The following NPAS3 variants were observed in gnomAD, a reference collection of about 807,000 sequenced individuals.
NPAS3 encodes the protein neuronal PAS domain protein 3.
In NPAS3, 14 loss-of-function variants were observed where a neutral mutation model predicts 73.1. The observed-to-expected ratio is 0.19, with a 90% CI of 0.13 to 0.30. The LOEUF (loss-of-function observed/expected upper bound fraction) is 0.30. NPAS3 is among the 10% of genes least tolerant of loss of function. NPAS3 has a pLI of 1.00. For synonymous variants in NPAS3, 620 were observed against 541.5 expected, an observed-to-expected ratio of 1.14 and a Z score of -2.01; for missense variants, 1,096 against 1,250.0, an observed-to-expected ratio of 0.88 and a Z score of 1.86.
At chr14:33,202,980 T>G (rs144024673) in intron 2 of NPAS3, among the ~76,000 whole-genome samples, 125 of 152,348 alleles carry the variant, frequency 8.2e-4, no homozygotes, top group African/African-American at 3.0e-3. Flanking sequence ...CTTCCCCAAT[T>G]TTATGGTGTC....
rs926784897 is a variant in NPAS3, at chr14:32,968,332, C to T, written c.50+28966C>T. 3.3e-5 allele frequency among the ~76,000 whole-genome samples: 5 copies of T among 152,198 alleles called. No individual in the cohort carries two copies. The East Asian group carries it at 9.6e-4, about 29-fold the overall frequency. Reference sequence around the variant, plus strand: ...TAATGTGTGTATATATTGGAAATCACACTATACCTTATAAATATCTATTAT... The same window carrying T: ...TAATGTGTGTATATATTGGAAATCATACTATACCTTATAAATATCTATTAT... On this transcript the variant is annotated intron_variant, in intron 1 of 11. Transcript: ENST00000356141.
At chr14:33,059,297 T>C (rs1475957026) in intron 2 of NPAS3, among the ~76,000 whole-genome samples, 1 of 152,212 alleles carries the variant, frequency 6.6e-6, no homozygotes, top group East Asian at 1.9e-4. Context: ...GATTAGACAA[T>C]TGTTTCAATA....
At chr14:33,303,696 A>G (rs2042642591) in intron 3 of NPAS3, among the ~76,000 whole-genome samples, 1 of 152,260 alleles carries the variant, frequency 6.6e-6, no homozygotes, top group South Asian at 2.1e-4. Flanking sequence ...GTAGCTATTC[A>G]TAGCATTAAG....
intron 5 of NPAS3, among the ~76,000 whole-genome samples, chr14:33,563,650 T>TA (rs2055777612): frequency 6.6e-6 from 1 of 152,116 alleles, no homozygotes; most frequent in Non-Finnish European, 1.5e-5. Context: ...CTTTCCTGTG[T>TA]AAAAATGATG....
intron 4 of NPAS3, among the ~76,000 whole-genome samples, chr14:33,553,837 G>A (rs189317713): frequency 1.2e-4 from 19 of 152,172 alleles, no homozygotes; most frequent in Admixed American, 5.2e-4. Flanking sequence ...TTTCTTCCCC[G>A]TAAACAGACA....
At chr14:33,214,970 C>A (rs1327381790) in intron 2 of NPAS3, 4 of 565,514 alleles carry the variant, frequency 7.1e-6, no homozygotes, top group Non-Finnish European at 1.2e-5. Flanking sequence ...AATTTTTACT[C>A]ATTGGACTTG....
intron 5 of NPAS3, among the ~76,000 whole-genome samples, chr14:33,643,529 G>A (rs1014993320): frequency 6.6e-6 from 1 of 152,172 alleles, no homozygotes; most frequent in African/African-American, 2.4e-5. Flanking sequence ...AGCTCTCGGA[G>A]TTTGCCATTT....
intron 2 of NPAS3, among the ~76,000 whole-genome samples, chr14:33,068,300 T>C (rs966607343): frequency 6.6e-6 from 1 of 152,264 alleles, no homozygotes; most frequent in Non-Finnish European, 1.5e-5. Context: ...ACCAGACATT[T>C]CTTAGCGCGA....
chr14:33,216,120 TTATG>T (rs1192240756), intron 3 of NPAS3, among the ~76,000 whole-genome samples: 1 of 152,152 alleles, frequency 6.6e-6, no homozygotes, highest in African/African-American at 2.4e-5. Context: ...ATATATTTAT[TTATG>T]TATATGTGGT....
chr14:33,497,677 C>A (rs558069598), intron 4 of NPAS3, among the ~76,000 whole-genome samples: 1 of 152,124 alleles, frequency 6.6e-6, no homozygotes, highest in Non-Finnish European at 1.5e-5. Flanking sequence ...CCCTTCCTTA[C>A]ACTTTATACA....
At position 33,551,811 on chromosome 14, in the gene NPAS3, A is replaced by G. The variant is rs570526563; in HGVS notation, c.469-8310A>G. ...TCTTCCAACTCATGGGAATTTCTTC[A>G]AAGTCTGGTGGTCTTTTGACTGCAT... is the stretch of plus-strand genomic sequence containing the variant. On this transcript the variant is annotated intron_variant, in intron 4 of 11. Coordinates refer to ENST00000356141, the Ensembl canonical transcript of NPAS3. Among the ~76,000 whole-genome samples, 4 of 152,198 alleles carry G rather than the reference A, an allele frequency of 2.6e-5. No individual in the cohort carries two copies. In the East Asian group the frequency reaches 7.8e-4, roughly 30 times the overall value.
chr14:33,465,208 G>A (rs375927103), intron 4 of NPAS3, among the ~76,000 whole-genome samples: 11 of 152,000 alleles, frequency 7.2e-5, no homozygotes, highest in South Asian at 2.1e-4. Context: ...TACTTTGCAC[G>A]CAATAGATGC....
chr14:33,275,851 T>A (rs1288613137), intron 3 of NPAS3, among the ~76,000 whole-genome samples: 1 of 152,188 alleles, frequency 6.6e-6, no homozygotes, highest in Non-Finnish European at 1.5e-5. Context: ...CAAATCTAAT[T>A]TTTAAGAAAT....
intron 3 of NPAS3, among the ~76,000 whole-genome samples, chr14:33,272,394 A>G (rs768678834): frequency 1.3e-5 from 2 of 152,120 alleles, no homozygotes; most frequent in Non-Finnish European, 2.9e-5. Context: ...GAAGGGCCAG[A>G]TGAGAAATGA....
intron 2 of NPAS3, among the ~76,000 whole-genome samples, chr14:33,114,862 TTAGGG>T (rs1371535431): frequency 6.6e-6 from 1 of 152,132 alleles, no homozygotes; most frequent in African/African-American, 2.4e-5. Context: ...TTTATATGTA[TTAGGG>T]TAGATTACAA....
At chr14:33,131,668 C>T (rs2043639464) in intron 2 of NPAS3, among the ~76,000 whole-genome samples, 4 of 152,196 alleles carry the variant, frequency 2.6e-5, no homozygotes, top group South Asian at 2.1e-4. Flanking sequence ...CCCTGCTGCT[C>T]GTATGTGTGC....
At chr14:33,406,497 G>A (rs1055765264) in intron 4 of NPAS3, among the ~76,000 whole-genome samples, 8 of 152,092 alleles carry the variant, frequency 5.3e-5, no homozygotes, top group African/African-American at 1.9e-4. Context: ...TGTTTTATCT[G>A]TCTCTCAGGG....
chr14:33,405,653 T>G (rs2047633138), intron 4 of NPAS3, among the ~76,000 whole-genome samples: 1 of 152,128 alleles, frequency 6.6e-6, no homozygotes, highest in South Asian at 2.1e-4. Flanking sequence ...GGAAAAAACG[T>G]TAGCCTCTAG....
chr14:33,688,096 T>A (rs2060138655), intron 6 of NPAS3, among the ~76,000 whole-genome samples: 1 of 152,202 alleles, frequency 6.6e-6, no homozygotes, highest in Non-Finnish European at 1.5e-5. Flanking sequence ...AACTCTAATT[T>A]TAGGTTCAGA....
Sources: gnomAD v4.1 joint callset for allele counts (sites outside exome capture counted in the v4.1 genomes callset) on GRCh38, gnomAD v4.1.1 for gene constraint, MANE v1.5 for transcripts, NCBI Gene and HGNC (gene_info 2026-07-23, HGNC 2026-07-21) for gene names.